Variants in SLC6A11 observed in about 807,000 individuals in gnomAD.
SLC6A11 encodes the protein solute carrier family 6 member 11.
A neutral mutation model predicts 74.8 loss-of-function variants in SLC6A11; 25 were observed. The observed-to-expected ratio is 0.33, with a 90% CI of 0.24 to 0.47. SLC6A11 has a LOEUF of 0.47. Ranked by LOEUF, SLC6A11 falls within the 20% of genes least tolerant of loss-of-function variation. The pLI is 1.00. For missense variants in SLC6A11, 574 were observed against 837.0 expected (o/e 0.69, Z 3.88); for synonymous variants, 330 against 330.2 (o/e 1.00, Z 0.01).
At chr3:10,854,586 C>T (rs1267978392) in intron 5 of SLC6A11, among the ~76,000 whole-genome samples, 2 of 152,136 alleles carry the variant, frequency 1.3e-5, no homozygotes, top group African/African-American at 4.8e-5. Context: ...TTCCCAGCAG[C>T]CTTCCAGGGT....
At chr3:10,819,090 G>C (rs978439913) in intron 1 of SLC6A11, among the ~76,000 whole-genome samples, 2 of 152,150 alleles carry the variant, frequency 1.3e-5, no homozygotes, top group Non-Finnish European at 2.9e-5. Flanking sequence ...AAATGAAAAA[G>C]GGTGCAACAT....
intron 6 of SLC6A11, among the ~76,000 whole-genome samples, chr3:10,880,016 C>T (rs1478345117): frequency 6.6e-6 from 1 of 152,104 alleles, no homozygotes; most frequent in Non-Finnish European, 1.5e-5. Flanking sequence ...AAAGCATGGA[C>T]ATGACAAATG....
At chr3:10,914,807 G>A (rs1326609746) in intron 7 of SLC6A11, among the ~76,000 whole-genome samples, 1 of 152,118 alleles carries the variant, frequency 6.6e-6, no homozygotes, top group Non-Finnish European at 1.5e-5. Context: ...GACCCCCTTG[G>A]GAGTTCTTTC....
intron 4 of SLC6A11, among the ~76,000 whole-genome samples, chr3:10,831,953 T>C (rs1425725495): frequency 6.6e-6 from 1 of 152,208 alleles, no homozygotes; most frequent in Non-Finnish European, 1.5e-5. Flanking sequence ...TGGAAGATTT[T>C]AACACAAAGG....
intron 6 of SLC6A11, among the ~76,000 whole-genome samples, chr3:10,909,755 C>T (rs1314142936): frequency 1.3e-5 from 2 of 152,198 alleles, no homozygotes; most frequent in Non-Finnish European, 2.9e-5. Flanking sequence ...CCATGTGGCT[C>T]ACTGGCCTTA....
At chr3:10,848,297 T>G (rs182934392) in intron 5 of SLC6A11, among the ~76,000 whole-genome samples, 28 of 152,340 alleles carry the variant, frequency 1.8e-4, no homozygotes, top group Admixed American at 1.6e-3. Flanking sequence ...ACGAATAAGT[T>G]GATCCCAAAT....
At chr3:10,859,127 C>T (rs1461115807) in intron 5 of SLC6A11, among the ~76,000 whole-genome samples, 1 of 152,150 alleles carries the variant, frequency 6.6e-6, no homozygotes, top group Non-Finnish European at 1.5e-5. Flanking sequence ...TAAAATGTGG[C>T]ATGTGGAATG....
chr3:10,868,296 C>T (rs1694789020), intron 5 of SLC6A11, among the ~76,000 whole-genome samples: 1 of 152,122 alleles, frequency 6.6e-6, no homozygotes, highest in Non-Finnish European at 1.5e-5. Context: ...CTCCATTATC[C>T]TGGAAATCTT....
At chr3:10,902,262 G>T (rs1695250048) in intron 6 of SLC6A11, among the ~76,000 whole-genome samples, 1 of 152,226 alleles carries the variant, frequency 6.6e-6, no homozygotes, top group African/African-American at 2.4e-5. Flanking sequence ...TCTTGGCCAG[G>T]CGCTGGAACA....
At chr3:10,867,976 C>T (rs1325245129) in intron 5 of SLC6A11, among the ~76,000 whole-genome samples, 1 of 151,058 alleles carries the variant, frequency 6.6e-6, no homozygotes, top group Non-Finnish European at 1.5e-5. Flanking sequence ...TGGTAATTCA[C>T]AGTTTTCTCA....
chr3:10,926,145 G>A lies in SLC6A11; in HGVS notation c.1233+29G>A, dbSNP rs778920734. 1.4e-6 allele frequency: 2 copies of A among 1,468,860 alleles called. No individual in the cohort carries two copies. The highest frequency in any genetic ancestry group is 2.3e-5 in the South Asian group (2 of 86,626). The allele number at this position is 1,468,860 out of a possible 1,614,324, so 91.0% of individuals were successfully genotyped here. On this transcript the variant is annotated intron_variant, in intron 9 of 13. Coordinates refer to ENST00000254488, the MANE Select transcript of SLC6A11 (RefSeq NM_014229.3). This position sits in a 1 kb window ranked among gnomAD's most constrained non-coding sequence, Gnocchi z 5.7. ...AGGGGCCATGGGGATGGGGAGCCCA[G>A]GAGGGAGGGGAGCCTGGGCCAGGAG...
intron 4 of SLC6A11, among the ~76,000 whole-genome samples, chr3:10,834,336 GTTTGTTTTTTTT>G (rs1694338155): frequency 6.8e-6 from 1 of 147,606 alleles, no homozygotes; most frequent in Non-Finnish European, 1.5e-5. Flanking sequence ...CTGGAAGTAA[GTTTGTTTTTTTT>G]TTTGTTTTTT....
At chr3:10,893,444 T>TA (rs1695130641) in intron 6 of SLC6A11, among the ~76,000 whole-genome samples, 1 of 152,164 alleles carries the variant, frequency 6.6e-6, no homozygotes. Context: ...GAGGTGTTTT[T>TA]AATCTTTGAG....
At chr3:10,818,914 A>G (rs113046023) in intron 1 of SLC6A11, among the ~76,000 whole-genome samples, 146 of 152,300 alleles carry the variant, frequency 9.6e-4, no homozygotes, top group Middle Eastern at 3.4e-3. Flanking sequence ...GCAAGTTGAC[A>G]CCACACCTGG....
At chr3:10,934,286 C>T (rs951772830) in intron 12 of SLC6A11, 120 bp downstream of exon 12, 16 of 679,740 alleles carry the variant, frequency 2.4e-5, no homozygotes, top group Admixed American at 2.3e-4. Context: ...CTGATGTCCC[C>T]TGGTTCAGGC....
At chr3:10,874,114 G>C (rs1468328124) in intron 5 of SLC6A11, among the ~76,000 whole-genome samples, 1 of 152,142 alleles carries the variant, frequency 6.6e-6, no homozygotes, top group African/African-American at 2.4e-5. Flanking sequence ...TAAGAGCTGT[G>C]GCTTTAAAAA....
intron 5 of SLC6A11, among the ~76,000 whole-genome samples, chr3:10,844,734 C>T (rs754362999): frequency 2.6e-5 from 4 of 152,160 alleles, no homozygotes; most frequent in Non-Finnish European, 5.9e-5. Context: ...CTGGCTGCCT[C>T]CACTGACAGA....
At chr3:10,906,100 A>G (rs1232290205) in intron 6 of SLC6A11, among the ~76,000 whole-genome samples, 2 of 151,776 alleles carry the variant, frequency 1.3e-5, no homozygotes, top group Admixed American at 6.6e-5. Flanking sequence ...TATACCTTCA[A>G]CCACCCTTAG....
chr3:10,843,613 A>G (rs1300840452), intron 4 of SLC6A11, among the ~76,000 whole-genome samples: 2 of 152,210 alleles, frequency 1.3e-5, no homozygotes, highest in Admixed American at 1.3e-4. Context: ...CAGCAGCTTC[A>G]AGCAACAAAG....
Sources: gnomAD v4.1 joint callset for allele counts (sites outside exome capture counted in the v4.1 genomes callset) on GRCh38, gnomAD v4.1.1 for gene constraint, Gnocchi (gnomAD v3.1) non-coding constraint, MANE v1.5 for transcripts, NCBI Gene and HGNC (gene_info 2026-07-23, HGNC 2026-07-21) for gene names.